SCHIP1: variants seen among roughly 807,000 people sequenced by gnomAD.
SCHIP1 encodes the protein schwannomin interacting protein 1, also known as schwannomin-interacting protein 1.
A neutral mutation model predicts 29.7 loss-of-function variants in SCHIP1; 8 were observed. That is an observed-to-expected ratio of 0.27 (90% CI 0.16 to 0.49). SCHIP1 has a LOEUF of 0.49. Ranked by LOEUF, SCHIP1 falls within the 20% of genes least tolerant of loss-of-function variation. The pLI, the probability that SCHIP1 is intolerant of heterozygous loss-of-function variation, is 0.99. For missense variants in SCHIP1, 193 were observed against 294.6 expected (o/e 0.66, Z 2.52); for synonymous variants, 76 against 94.9 (o/e 0.80, Z 1.16).
the SCHIP1 span, among the ~76,000 whole-genome samples, chr3:159,499,987 A>T: frequency 2.0e-5 from 3 of 149,508 alleles, no homozygotes; most frequent in Non-Finnish European, 4.5e-5. Flanking sequence ...CATTTTATAC[A>T]TTTTTTTTTT....
chr3:159,402,006 G>A, the SCHIP1 span, among the ~76,000 whole-genome samples: 45 of 151,984 alleles, frequency 3.0e-4, no homozygotes, highest in African/African-American at 7.7e-4. Flanking sequence ...CTACAGAATG[G>A]GAGAAAATTT....
chr3:159,457,735 G>A, the SCHIP1 span, among the ~76,000 whole-genome samples: 21 of 151,942 alleles, frequency 1.4e-4, no homozygotes, highest in South Asian at 4.2e-4. Flanking sequence ...ACTGAACCCC[G>A]TATATACTAT....
chr3:159,517,117 G>A, the SCHIP1 span, among the ~76,000 whole-genome samples: 1 of 152,138 alleles, frequency 6.6e-6, no homozygotes, highest in Non-Finnish European at 1.5e-5. Flanking sequence ...AGAACAATGA[G>A]TATTGGGCTA....
the SCHIP1 span, among the ~76,000 whole-genome samples, chr3:159,605,602 T>C: frequency 2.0e-5 from 3 of 152,216 alleles, no homozygotes; most frequent in African/African-American, 7.2e-5. Flanking sequence ...CATAAAATTT[T>C]GACATGTCAG....
At chr3:159,434,546 G>A in the SCHIP1 span, among the ~76,000 whole-genome samples, 1 of 152,122 alleles carries the variant, frequency 6.6e-6, no homozygotes, top group African/African-American at 2.4e-5. Flanking sequence ...TAGCAAGATG[G>A]TTACCAAAGC....
the SCHIP1 span, among the ~76,000 whole-genome samples, chr3:159,277,493 C>T: frequency 6.6e-6 from 1 of 151,804 alleles, no homozygotes; most frequent in African/African-American, 2.4e-5. Flanking sequence ...AGATAAAGAC[C>T]TGTGAATGGA....
the SCHIP1 span, among the ~76,000 whole-genome samples, chr3:159,776,865 C>G: frequency 6.6e-6 from 1 of 152,012 alleles, no homozygotes; most frequent in South Asian, 2.1e-4. Flanking sequence ...AGAGGGAGGC[C>G]AGAGCAAGGG....
At chr3:159,739,762 T>C in the SCHIP1 span, among the ~76,000 whole-genome samples, 1 of 152,254 alleles carries the variant, frequency 6.6e-6, no homozygotes, top group Non-Finnish European at 1.5e-5. Flanking sequence ...AAATTACTTG[T>C]GCTTCTTGAA....
At chr3:159,582,781 T>C in the SCHIP1 span, among the ~76,000 whole-genome samples, 621 of 88,512 alleles carry the variant, frequency 7.0e-3, 3 homozygotes, top group African/African-American at 0.023. Context: ...AACTGAAATA[T>C]ATATATACAC....
chr3:159,583,475 A>T, the SCHIP1 span, among the ~76,000 whole-genome samples: 1 of 152,222 alleles, frequency 6.6e-6, no homozygotes, highest in Non-Finnish European at 1.5e-5. Context: ...AATATCCGCT[A>T]AACATTATAG....
At chr3:159,596,341 A>G in the SCHIP1 span, among the ~76,000 whole-genome samples, 1 of 152,212 alleles carries the variant, frequency 6.6e-6, no homozygotes, top group Non-Finnish European at 1.5e-5. Context: ...ACACTTTTAC[A>G]TTGTTGGTGG....
At chr3:159,525,340 G>A in the SCHIP1 span, among the ~76,000 whole-genome samples, 301 of 152,286 alleles carry the variant, frequency 2.0e-3, 1 homozygote, top group Non-Finnish European at 4.6e-4. Context: ...TGTACCTTTA[G>A]TGCCTAAAAC....
At chr3:159,623,444 G>T in the SCHIP1 span, among the ~76,000 whole-genome samples, 1 of 152,056 alleles carries the variant, frequency 6.6e-6, no homozygotes, top group East Asian at 1.9e-4. Context: ...TGGTCAACAT[G>T]GTGAAACCAC....
the SCHIP1 span, among the ~76,000 whole-genome samples, chr3:159,756,776 C>T: frequency 6.6e-5 from 10 of 152,198 alleles, no homozygotes; most frequent in Admixed American, 6.5e-4. Flanking sequence ...CTTAACATTT[C>T]TTCTGCCAGA....
the SCHIP1 span, among the ~76,000 whole-genome samples, chr3:159,407,035 C>A: frequency 6.6e-6 from 1 of 152,052 alleles, no homozygotes; most frequent in African/African-American, 2.4e-5. Context: ...GAGGTCCCTA[C>A]CTATCAATAA....
chr3:159,610,036 T>C, the SCHIP1 span, among the ~76,000 whole-genome samples: 174 of 152,310 alleles, frequency 1.1e-3, no homozygotes, highest in African/African-American at 3.4e-3. Flanking sequence ...CATTGTCTCA[T>C]TTAATCCTCA....
the SCHIP1 span, among the ~76,000 whole-genome samples, chr3:159,289,375 C>A: frequency 0.014 from 2,138 of 152,002 alleles, 39 homozygotes; most frequent in African/African-American, 0.049. Flanking sequence ...TCAGCCACAC[C>A]AGCCTATAAG....
the SCHIP1 span, among the ~76,000 whole-genome samples, chr3:159,589,000 G>C: frequency 6.6e-6 from 1 of 152,188 alleles, no homozygotes; most frequent in East Asian, 1.9e-4. Context: ...ATTCTGTGAA[G>C]GAAGTCATTG....
chr3:159,401,577 CAGTTAAA>C, the SCHIP1 span: 1 of 158,072 alleles, frequency 6.3e-6, no homozygotes, highest in Admixed American at 6.5e-5. Context: ...CAAGTACAAT[CAGTTAAA>C]AAGTACTATA....
Sources: allele counts gnomAD v4.1 joint callset (sites outside exome capture counted in the v4.1 genomes callset), GRCh38; gene constraint gnomAD v4.1.1; transcripts MANE v1.5; gene names NCBI Gene and HGNC (gene_info 2026-07-23, HGNC 2026-07-21).